Variants in RAPGEF4 observed in about 807,000 individuals in gnomAD.
RAPGEF4 encodes the protein RAP guanine-nucleotide-exchange factor (GEF) 4.
A neutral mutation model predicts 147.9 loss-of-function variants in RAPGEF4; 66 were observed. That is an observed-to-expected ratio of 0.45 (90% CI 0.37 to 0.55). RAPGEF4 has a LOEUF of 0.55. Ranked by LOEUF, RAPGEF4 falls within the 20% of genes least tolerant of loss-of-function variation. RAPGEF4 has a pLI of 0.00. For missense variants in RAPGEF4, 1,071 were observed against 1,257.3 expected (o/e 0.85, Z 2.24); for synonymous variants, 419 against 442.7 (o/e 0.95, Z 0.67).
At chr2:172,971,754 C>CA (rs1017762910) in intron 10 of RAPGEF4, among the ~76,000 whole-genome samples, 5 of 148,524 alleles carry the variant, frequency 3.4e-5, no homozygotes, top group African/African-American at 1.3e-4. Context: ...ACACATACCC[C>CA]ATTTTTTTTT....
chr2:172,959,061 G>C (rs554805598), intron 6 of RAPGEF4, among the ~76,000 whole-genome samples: 3 of 151,826 alleles, frequency 2.0e-5, no homozygotes, highest in South Asian at 2.1e-4. Flanking sequence ...CAAACAGTAG[G>C]GTTTTTAGTA....
chr2:172,800,148 C>T (rs981784461), intron 3 of RAPGEF4, among the ~76,000 whole-genome samples: 1 of 152,174 alleles, frequency 6.6e-6, no homozygotes, highest in African/African-American at 2.4e-5. Flanking sequence ...CCAAAGCTGG[C>T]TTACTGCTTC....
intron 4 of RAPGEF4, among the ~76,000 whole-genome samples, chr2:172,885,589 C>T (rs953124643): frequency 2.0e-5 from 3 of 152,072 alleles, no homozygotes; most frequent in Admixed American, 6.5e-5. Context: ...TATGTGGCGG[C>T]GGCAAGAGAG....
intron 1 of RAPGEF4, among the ~76,000 whole-genome samples, chr2:172,781,919 G>A (rs974965106): frequency 1.4e-4 from 21 of 151,958 alleles, no homozygotes; most frequent in African/African-American, 4.8e-4. Context: ...TCAATTTGTG[G>A]TTGGTTGATT....
At chr2:173,016,533 C>A in intron 19 of RAPGEF4, 96 bp downstream of exon 19, 1 of 982,688 alleles carries the variant, frequency 1.0e-6, no homozygotes, top group Non-Finnish European at 1.6e-6. Flanking sequence ...CTTTCCATAG[C>A]CATGCCCCGC....
chr2:172,825,987 T>C (rs1689628246), intron 4 of RAPGEF4, among the ~76,000 whole-genome samples: 2 of 152,222 alleles, frequency 1.3e-5, no homozygotes, highest in Admixed American at 1.3e-4. Flanking sequence ...TCCTATAGCC[T>C]CTGTGTAAAC....
At chr2:172,888,824 G>A (rs1374656483) in intron 4 of RAPGEF4, among the ~76,000 whole-genome samples, 3 of 152,142 alleles carry the variant, frequency 2.0e-5, no homozygotes, top group Non-Finnish European at 4.4e-5. Context: ...ATATTTATCT[G>A]AGTGATGGTG....
intron 1 of RAPGEF4, among the ~76,000 whole-genome samples, chr2:172,789,255 C>T (rs1685558418): frequency 6.6e-6 from 1 of 152,198 alleles, no homozygotes. Context: ...TCTGCAAAAT[C>T]TCTTCACCTT....
rs368160781 is a variant in RAPGEF4 at position 172,931,544 on chromosome 2, G to A, written c.537+9244G>A. Reference sequence around the variant, plus strand: ...AGACAGGAGAATCAGAAATTCCCAAGTCACACCAAGTGCTCCTCTGGTGCT... The same window carrying A: ...AGACAGGAGAATCAGAAATTCCCAAATCACACCAAGTGCTCCTCTGGTGCT... On this transcript the variant is annotated intron_variant, in intron 6 of 30. Transcript: ENST00000397081. 9.2e-5 allele frequency among the ~76,000 whole-genome samples: 14 copies of A among 152,308 alleles called. 1 individual carries two copies. The highest frequency in any genetic ancestry group is 3.4e-4 in the African/African-American group (14 of 41,576).
chr2:172,812,804 T>C (rs1055691089), intron 3 of RAPGEF4, among the ~76,000 whole-genome samples: 1 of 152,172 alleles, frequency 6.6e-6, no homozygotes, highest in African/African-American at 2.4e-5. Context: ...AAAAATGAAA[T>C]AGGCTAGTGG....
At chr2:172,895,775 C>T (rs1309439894) in intron 4 of RAPGEF4, among the ~76,000 whole-genome samples, 1 of 152,082 alleles carries the variant, frequency 6.6e-6, no homozygotes, top group African/African-American at 2.4e-5. Context: ...AAAAAGAACA[C>T]TTTCTCAAAA....
At chr2:172,927,222 A>G (rs532905719) in intron 6 of RAPGEF4, among the ~76,000 whole-genome samples, 3 of 152,340 alleles carry the variant, frequency 2.0e-5, no homozygotes, top group Non-Finnish European at 4.4e-5. Context: ...GGAAATTCTC[A>G]TTAAGGGAAG....
At chr2:172,768,386 A>G (rs1383521068) in intron 1 of RAPGEF4, among the ~76,000 whole-genome samples, 1 of 152,184 alleles carries the variant, frequency 6.6e-6, no homozygotes, top group Non-Finnish European at 1.5e-5. Context: ...ACAACAGAAA[A>G]TGAAGCTATT....
chr2:172,737,837 A>G (rs1298065828), intron 1 of RAPGEF4, among the ~76,000 whole-genome samples: 1 of 151,938 alleles, frequency 6.6e-6, no homozygotes, highest in Non-Finnish European at 1.5e-5. Flanking sequence ...TGTCACTTTT[A>G]CTTCCTTGAG....
At chr2:172,781,507 C>A (rs966400582) in intron 1 of RAPGEF4, among the ~76,000 whole-genome samples, 1 of 152,126 alleles carries the variant, frequency 6.6e-6, no homozygotes, top group African/African-American at 2.4e-5. Flanking sequence ...TGGCCTCAAG[C>A]GATCTTCCTG....
intron 1 of RAPGEF4, among the ~76,000 whole-genome samples, chr2:172,749,812 AT>A (rs1285198932): frequency 6.6e-6 from 1 of 152,132 alleles, no homozygotes; most frequent in African/African-American, 2.4e-5. Context: ...AATGTTTTTA[AT>A]CCCCCCAAGT....
chr2:172,751,207 C>A (rs1286042642), intron 1 of RAPGEF4, among the ~76,000 whole-genome samples: 1 of 152,188 alleles, frequency 6.6e-6, no homozygotes. Flanking sequence ...TACTGTCATT[C>A]ACTCATTCAT....
Position 172,967,462 on chromosome 2 carries a change from G to C in RAPGEF4, c.1004+18G>C. 6.2e-7 allele frequency: 1 copy of C among 1,604,460 alleles called. No homozygotes were observed. The highest frequency in any genetic ancestry group is 1.7e-5 in the Admixed American group (1 of 59,526). ...CGCAAACCGTGAGTGAGAGCTCGTG[G>C]CTCACCCCTCCAGGTCCCAAGGCCG... is the stretch of plus-strand genomic sequence containing the variant. On this transcript the variant is annotated intron_variant, in intron 10 of 30. Coordinates refer to ENST00000397081, the MANE Select transcript of RAPGEF4 (RefSeq NM_007023.4).
intron 6 of RAPGEF4, among the ~76,000 whole-genome samples, chr2:172,938,463 C>T (rs543633338): frequency 8.5e-5 from 13 of 152,128 alleles, no homozygotes; most frequent in Non-Finnish European, 1.5e-4. Flanking sequence ...TTTGCCTGGG[C>T]CCCCATGGGA....
Sources: allele counts gnomAD v4.1 joint callset (sites outside exome capture counted in the v4.1 genomes callset), GRCh38; gene constraint gnomAD v4.1.1; transcripts MANE v1.5; gene names NCBI Gene and HGNC (gene_info 2026-07-23, HGNC 2026-07-21).